COL23A1: variants seen among roughly 807,000 people sequenced by gnomAD.
COL23A1 encodes the protein collagen type XXIII alpha 1 chain, also known as collagen alpha-1(XXIII) chain.
Under a neutral mutation model 99.3 loss-of-function variants are expected in COL23A1, and 97 were observed. The observed-to-expected ratio is 0.98, with a 90% confidence interval of 0.83 to 1.16. The LOEUF (loss-of-function observed/expected upper bound fraction) is 1.16, where lower values mean the gene tolerates loss of function less well. COL23A1 is among the 50% of genes most tolerant of loss of function. The pLI is 0.00. For missense variants in COL23A1, 762 were observed against 757.4 expected, an observed-to-expected ratio of 1.01 and a Z score of -0.07; for synonymous variants, 320 against 308.2, an observed-to-expected ratio of 1.04 and a Z score of -0.40.
intron 2 of COL23A1, among the ~76,000 whole-genome samples, chr5:178,351,405 G>A (rs745317572): frequency 6.6e-6 from 1 of 152,180 alleles, no homozygotes; most frequent in Non-Finnish European, 1.5e-5. Flanking sequence ...CTGGTGCCTT[G>A]GCGAGCCTTG....
intron 2 of COL23A1, among the ~76,000 whole-genome samples, chr5:178,542,151 G>A (rs546948618): frequency 6.6e-6 from 1 of 152,300 alleles, no homozygotes; most frequent in South Asian, 2.1e-4. Flanking sequence ...AGTCTCCCGA[G>A]TAGCTGGGAC....
chr5:178,240,011 A>G (rs953480365), intron 27 of COL23A1, among the ~76,000 whole-genome samples: 1 of 152,120 alleles, frequency 6.6e-6, no homozygotes, highest in African/African-American at 2.4e-5. Flanking sequence ...AGGATGGCCC[A>G]GGAATTGGCA....
intron 2 of COL23A1, among the ~76,000 whole-genome samples, chr5:178,517,568 G>GTTGTTTTTTTTTTTT: frequency 1.8e-5 from 2 of 108,262 alleles, no homozygotes; most frequent in South Asian, 3.2e-4. Flanking sequence ...TTTTTTTTTT[G>GTTGTTTTTTTTTTTT]TTTTTTTTTT....
At chr5:178,472,728 G>A (rs1314753280) in intron 2 of COL23A1, among the ~76,000 whole-genome samples, 1 of 152,170 alleles carries the variant, frequency 6.6e-6, no homozygotes, top group Non-Finnish European at 1.5e-5. Flanking sequence ...CTTGTCAGTG[G>A]AAGAGCTGGG....
At chr5:178,547,471 A>C (rs12657815) in intron 2 of COL23A1, among the ~76,000 whole-genome samples, 30 of 135,640 alleles carry the variant, frequency 2.2e-4, no homozygotes, top group Non-Finnish European at 3.9e-4. Context: ...ACACACACCC[A>C]CACACCCACA....
intron 2 of COL23A1, among the ~76,000 whole-genome samples, chr5:178,320,504 C>T (rs774574526): frequency 1.4e-4 from 21 of 152,224 alleles, no homozygotes; most frequent in Non-Finnish European, 2.6e-4. Flanking sequence ...CTGCCCAGCT[C>T]TGCAGGATGC....
chr5:178,248,265 G>A lies in COL23A1; in HGVS notation c.1150-11C>T. On this transcript the variant is annotated splice_polypyrimidine_tract_variant and intron_variant, in intron 19 of 28. Transcript: ENST00000390654. ...GAGGCCGTCAGCGCCCTGCAGGACG[G>A]CAATGGCCTGTGAGTCCTTTGTGTC... 6.2e-7 allele frequency: 1 copy of A among 1,608,384 alleles called. No homozygotes were observed. The highest frequency in any genetic ancestry group is 8.5e-7 in the Non-Finnish European group (1 of 1,175,542).
intron 2 of COL23A1, among the ~76,000 whole-genome samples, chr5:178,492,453 C>T (rs1283062505): frequency 6.6e-6 from 1 of 152,106 alleles, no homozygotes; most frequent in Non-Finnish European, 1.5e-5. Flanking sequence ...CAAAATGAAA[C>T]CAACCCTGCC....
In COL23A1 at chr5:178,263,319, G is replaced by A. The variant is rs888099535; in HGVS notation, c.528C>T (p.Asp176=). 1.6e-5 allele frequency: 26 copies of A among 1,592,704 alleles called. No individual in the cohort carries two copies. Among genetic ancestry groups the A allele is most frequent in the Non-Finnish European group, 2.1e-5 (25 of 1,171,080 alleles). The change falls in exon 9 of 29, where the codon GAC becomes GAT. Residue 176 remains aspartate, a synonymous_variant. Coordinates refer to ENST00000390654, the MANE Select transcript of COL23A1 (RefSeq NM_173465.4). ...GCCCAGCAGCTCCATCTTGTCCTTG[G>A]TCTCCCTGAAAGAGATGGGGCTTGG... ...GAPGDFGPRG[D]QGQDGAAGPP...
intron 1 of COL23A1, among the ~76,000 whole-genome samples, chr5:178,585,747 C>CCTACAGCCCTGGATGGCG (rs1562115735): frequency 2.0e-4 from 1 of 5,012 alleles, no homozygotes; most frequent in Admixed American, 1.9e-3. Flanking sequence ...CCTGGCTGAC[C>CCTACAGCCCTGGATGGCG]CTGTTGGTTG....
At chr5:178,567,670 G>A (rs1413549677) in intron 1 of COL23A1, among the ~76,000 whole-genome samples, 1 of 152,192 alleles carries the variant, frequency 6.6e-6, no homozygotes, top group Non-Finnish European at 1.5e-5. Flanking sequence ...GACGGAGGTT[G>A]CAGTGAGCAG....
At chr5:178,262,122 G>A (rs529378744) in intron 10 of COL23A1, 95 bp downstream of exon 10, 167 of 1,323,064 alleles carry the variant, frequency 1.3e-4, no homozygotes, top group Non-Finnish European at 1.5e-4. Flanking sequence ...ACATGTGCGC[G>A]TGACCCTGCT....
Position 178,281,556 on chromosome 5 carries a change from C to A in COL23A1, c.441+6768G>T, listed in dbSNP as rs1037325971. On this transcript the variant is annotated intron_variant, in intron 5 of 28. Transcript: ENST00000390654. This position sits in a 1 kb window ranked among gnomAD's most constrained non-coding sequence, Gnocchi z 4.0. Reference sequence around the variant, plus strand: ...GCTCCGGGGCCCAGGAGGTGCCGTGCGTGTGGTTTTGGGTGTGCTCAGAGC... The same window carrying A: ...GCTCCGGGGCCCAGGAGGTGCCGTGAGTGTGGTTTTGGGTGTGCTCAGAGC... Among the ~76,000 whole-genome samples the A allele has an allele frequency of 6.6e-6, 1 of 152,114 alleles. No homozygotes were observed. Among genetic ancestry groups the A allele is most frequent in the Non-Finnish European group, 1.5e-5 (1 of 68,030 alleles).
chr5:178,413,804 GC>G (rs1765167515), intron 2 of COL23A1, among the ~76,000 whole-genome samples: 2 of 152,288 alleles, frequency 1.3e-5, no homozygotes, highest in Non-Finnish European at 2.9e-5. Context: ...AGTTGGGAAT[GC>G]CTGAATCTTA....
chr5:178,314,673 G>A lies in COL23A1; in HGVS notation c.362-7754C>T, dbSNP rs182316803. Among the ~76,000 whole-genome samples, 11 of 152,298 alleles carry A rather than the reference G, an allele frequency of 7.2e-5. No homozygotes were observed. In the East Asian group the frequency reaches 1.5e-3, roughly 21 times the overall value. On this transcript the variant is annotated intron_variant, in intron 2 of 28. Coordinates refer to ENST00000390654, the MANE Select transcript of COL23A1 (RefSeq NM_173465.4). ...GCAAGAGCCGCCGGCACCATTTATC[G>A]AGTGTCAACTTTACACTTGGCCCCA...
At position 178,313,722 on chromosome 5, in the gene COL23A1, T is replaced by A. The variant is rs560453146; in HGVS notation, c.362-6803A>T. 2.6e-5 allele frequency among the ~76,000 whole-genome samples: 4 copies of A among 152,260 alleles called. No individual in the cohort carries two copies. The highest frequency in any genetic ancestry group is 9.6e-5 in the African/African-American group (4 of 41,546). ...CAACACCACTGGAAGCCCCTTTATA[T>A]GACCCTCTTCCCAGAACTTTGGGAG... On this transcript the variant is annotated intron_variant, in intron 2 of 28. Coordinates refer to ENST00000390654, the MANE Select transcript of COL23A1 (RefSeq NM_173465.4). This position sits in a 1 kb window ranked among gnomAD's most constrained non-coding sequence, Gnocchi z 4.2.
chr5:178,568,383 A>G (rs1762935112), intron 1 of COL23A1, among the ~76,000 whole-genome samples: 2 of 152,206 alleles, frequency 1.3e-5, no homozygotes, highest in Non-Finnish European at 2.9e-5. Flanking sequence ...TCACAAAGTC[A>G]CTTACCACCA....
chr5:178,363,677 C>G (rs1213939978), intron 2 of COL23A1, among the ~76,000 whole-genome samples: 1 of 152,226 alleles, frequency 6.6e-6, no homozygotes, highest in Non-Finnish European at 1.5e-5. Context: ...GCCACAGAGC[C>G]GATGGCTGCT....
intron 2 of COL23A1, among the ~76,000 whole-genome samples, chr5:178,369,400 C>G (rs17081153): frequency 6.6e-6 from 1 of 152,150 alleles, no homozygotes. Context: ...GAAGAGAACA[C>G]CCCTCCATGG....
Sources: gnomAD v4.1 joint callset for allele counts (sites outside exome capture counted in the v4.1 genomes callset) on GRCh38, gnomAD v4.1.1 for gene constraint, Gnocchi (gnomAD v3.1) non-coding constraint, MANE v1.5 for transcripts, NCBI Gene and HGNC (gene_info 2026-07-23, HGNC 2026-07-21) for gene names.